SLC24A3: variants seen among roughly 807,000 people sequenced by gnomAD.
SLC24A3 encodes solute carrier family 24 member 3, also known as sodium/potassium/calcium exchanger 3.
SLC24A3 carries 28 observed loss-of-function variants against 75.8 expected under a neutral mutation model. The ratio of observed to expected loss-of-function variants is 0.37; its 90% confidence interval spans 0.27 to 0.51. The LOEUF is 0.51. SLC24A3 is among the 20% of genes least tolerant of loss of function. The pLI is 0.94. For missense variants in SLC24A3, 663 were observed against 847.8 expected (o/e 0.78, Z 2.71); for synonymous variants, 372 against 334.1 (o/e 1.11, Z -1.24).
intron 6 of SLC24A3, 96 bp from the exon 7 acceptor site, chr20:19,653,966 G>A: frequency 1.1e-6 from 1 of 945,406 alleles, no homozygotes; most frequent in Non-Finnish European, 1.7e-6. Flanking sequence ...TGCAGGACAG[G>A]AGGCCTAGAC....
At chr20:19,462,012 T>C (rs1190311439) in intron 2 of SLC24A3, among the ~76,000 whole-genome samples, 3 of 152,218 alleles carry the variant, frequency 2.0e-5, no homozygotes, top group Admixed American at 6.5e-5. Flanking sequence ...CATTTTTTTC[T>C]TTCCAACTTT....
intron 7 of SLC24A3, among the ~76,000 whole-genome samples, chr20:19,654,396 G>T (rs538687198): frequency 6.6e-6 from 1 of 151,936 alleles, no homozygotes; most frequent in African/African-American, 2.4e-5. Context: ...TGAGACCCTC[G>T]TGAGCATGGC....
intron 8 of SLC24A3, among the ~76,000 whole-genome samples, chr20:19,666,148 CT>C (rs1289929428): frequency 6.6e-6 from 1 of 152,092 alleles, no homozygotes; most frequent in Non-Finnish European, 1.5e-5. Context: ...TATCCTATGT[CT>C]GGACATCATG....
intron 7 of SLC24A3, among the ~76,000 whole-genome samples, chr20:19,664,603 G>A (rs2032375894): frequency 6.6e-6 from 1 of 152,174 alleles, no homozygotes; most frequent in African/African-American, 2.4e-5. Flanking sequence ...TTACTGCCCT[G>A]GCTGGAGGCT....
intron 2 of SLC24A3, among the ~76,000 whole-genome samples, chr20:19,499,640 C>A (rs376486958): frequency 1.1e-4 from 17 of 152,142 alleles, no homozygotes; most frequent in African/African-American, 4.1e-4. Context: ...CCCTCATGAC[C>A]TAATTACCTC....
chr20:19,693,486 A>G, intron 13 of SLC24A3, 61 bp downstream of exon 13: 2 of 1,581,666 alleles, frequency 1.3e-6, no homozygotes, highest in South Asian at 1.2e-5. Flanking sequence ...AGAAGGGAAT[A>G]AGAGTCAGGG....
intron 3 of SLC24A3, among the ~76,000 whole-genome samples, chr20:19,569,168 C>T (rs1010522968): frequency 1.3e-5 from 2 of 152,140 alleles, no homozygotes; most frequent in African/African-American, 4.8e-5. Context: ...CTGGGAGGCA[C>T]AAATCCACAG....
intron 3 of SLC24A3, among the ~76,000 whole-genome samples, chr20:19,517,898 C>T (rs1246115536): frequency 6.6e-6 from 1 of 152,168 alleles, no homozygotes; most frequent in Admixed American, 6.5e-5. Context: ...TCGGGTGGAC[C>T]TGCTGGTGCC....
intron 2 of SLC24A3, among the ~76,000 whole-genome samples, chr20:19,428,562 A>G (rs1987051157): frequency 6.6e-6 from 1 of 152,258 alleles, no homozygotes; most frequent in Admixed American, 6.5e-5. Context: ...TAAAACTGCC[A>G]GAGCCACTGA....
intron 2 of SLC24A3, among the ~76,000 whole-genome samples, chr20:19,482,848 G>A (rs1333920095): frequency 3.9e-5 from 6 of 152,166 alleles, no homozygotes; most frequent in Non-Finnish European, 2.9e-5. Context: ...ACAAGCACAC[G>A]GTTCAGTCAA....
At chr20:19,354,954 TCTTCCCTGTAAGGCA>T (rs1179394566) in intron 2 of SLC24A3, among the ~76,000 whole-genome samples, 1 of 152,088 alleles carries the variant, frequency 6.6e-6, no homozygotes, top group Non-Finnish European at 1.5e-5. Context: ...AACTTCAAGC[TCTTCCCTGTAAGGCA>T]AAAATGCCAA....
chr20:19,567,508 G>T (rs950306981), intron 3 of SLC24A3, among the ~76,000 whole-genome samples: 2 of 152,158 alleles, frequency 1.3e-5, no homozygotes, highest in African/African-American at 4.8e-5. Context: ...CCTACTTGAG[G>T]GTAGGGGTGG....
At chr20:19,287,624 C>T (rs1477145686) in intron 2 of SLC24A3, among the ~76,000 whole-genome samples, 1 of 152,212 alleles carries the variant, frequency 6.6e-6, no homozygotes, top group Non-Finnish European at 1.5e-5. Context: ...ATCTTCATAA[C>T]AATTCCCTCA....
chr20:19,558,061 G>T (rs998816080), intron 3 of SLC24A3, among the ~76,000 whole-genome samples: 2 of 152,054 alleles, frequency 1.3e-5, no homozygotes, highest in Non-Finnish European at 2.9e-5. Flanking sequence ...AATAGAAGAT[G>T]GGGGAGGGAA....
At chr20:19,695,956 A>C (rs563401597) in intron 13 of SLC24A3, among the ~76,000 whole-genome samples, 2 of 152,108 alleles carry the variant, frequency 1.3e-5, no homozygotes, top group South Asian at 4.2e-4. Context: ...ATTGCTACCA[A>C]GCTTCAAGGA....
intron 2 of SLC24A3, among the ~76,000 whole-genome samples, chr20:19,383,775 T>C (rs1362440307): frequency 6.6e-6 from 1 of 152,206 alleles, no homozygotes; most frequent in Non-Finnish European, 1.5e-5. Context: ...GCAGACAGGC[T>C]TCTTCTGACT....
intron 6 of SLC24A3, among the ~76,000 whole-genome samples, chr20:19,647,253 C>T (rs968969231): frequency 7.9e-5 from 12 of 152,156 alleles, no homozygotes; most frequent in African/African-American, 2.4e-4. Context: ...TTCCTTCCAC[C>T]GCCTGCCTCA....
chr20:19,354,544 T>C (rs969422705), intron 2 of SLC24A3, among the ~76,000 whole-genome samples: 9 of 151,768 alleles, frequency 5.9e-5, no homozygotes, highest in Non-Finnish European at 8.8e-5. Flanking sequence ...GCCCAACACA[T>C]AGCAAATGGT....
At chr20:19,462,792 C>G (rs932223533) in intron 2 of SLC24A3, among the ~76,000 whole-genome samples, 1 of 152,176 alleles carries the variant, frequency 6.6e-6, no homozygotes, top group African/African-American at 2.4e-5. Context: ...AATGCATTAG[C>G]CTGGAGGGGG....
Sources: gnomAD v4.1 joint callset for allele counts (sites outside exome capture counted in the v4.1 genomes callset) on GRCh38, gnomAD v4.1.1 for gene constraint, MANE v1.5 for transcripts, NCBI Gene and HGNC (gene_info 2026-07-23, HGNC 2026-07-21) for gene names.